Variants in GRIP1 observed in about 807,000 individuals in gnomAD.
The protein encoded by GRIP1 is glutamate receptor interacting protein 1.
Under a neutral mutation model 129.9 loss-of-function variants are expected in GRIP1, and 45 were observed. That is an observed-to-expected ratio of 0.35 (90% CI 0.27 to 0.44). The LOEUF (loss-of-function observed/expected upper bound fraction) is 0.44. GRIP1 is among the 20% of genes least tolerant of loss of function. The probability of loss-of-function intolerance (pLI) is 1.00; values close to 1 mark genes in which losing one functional copy is unlikely to be tolerated. For missense variants in GRIP1, 1,196 were observed against 1,396.8 expected (o/e 0.86, Z 2.29); for synonymous variants, 530 against 520.8 (o/e 1.02, Z -0.24).
intron 1 of GRIP1, among the ~76,000 whole-genome samples, chr12:66,966,638 G>T (rs899766989): frequency 1.2e-4 from 19 of 152,224 alleles, no homozygotes; most frequent in African/African-American, 4.6e-4. Flanking sequence ...TGGTTTTAAT[G>T]ACCTTAACAG....
chr12:66,560,755 T>A (rs2062497192), intron 2 of GRIP1, among the ~76,000 whole-genome samples: 1 of 152,176 alleles, frequency 6.6e-6, no homozygotes, highest in Non-Finnish European at 1.5e-5. Flanking sequence ...CAGAGCAGTT[T>A]GGCGGTTCCT....
intron 1 of GRIP1, among the ~76,000 whole-genome samples, chr12:66,979,803 T>C (rs1003894407): frequency 6.6e-6 from 1 of 152,124 alleles, no homozygotes; most frequent in Non-Finnish European, 1.5e-5. Flanking sequence ...AGGCAGAAAC[T>C]GCAGTGATTC....
intron 1 of GRIP1, among the ~76,000 whole-genome samples, chr12:66,909,459 G>T (rs893931495): frequency 4.6e-5 from 7 of 152,334 alleles, no homozygotes; most frequent in South Asian, 2.1e-4. Flanking sequence ...TGCAAAACTA[G>T]TTTCAATGTA....
At chr12:67,068,977 G>T in intron 1 of GRIP1, 1 of 700,038 alleles carries the variant, frequency 1.4e-6, no homozygotes, top group Non-Finnish European at 1.8e-6. Flanking sequence ...GGAGGGAGCC[G>T]GGGAGAGGGA....
At chr12:67,055,043 C>G (rs1235301685) in intron 1 of GRIP1, among the ~76,000 whole-genome samples, 1 of 152,114 alleles carries the variant, frequency 6.6e-6, no homozygotes, top group African/African-American at 2.4e-5. Flanking sequence ...GAATAGGGCA[C>G]AAAAACCTAA....
rs564822274 is a variant in GRIP1 at position 66,785,345 on chromosome 12, T to TACATACATACATAC, written c.-420+18707_-420+18708insGTATGTATGTATGT. Among the ~76,000 whole-genome samples, 5 of 107,562 alleles carry TACATACATACATAC rather than the reference T, an allele frequency of 4.6e-5. 1 individual carries two copies. Among genetic ancestry groups the TACATACATACATAC allele is most frequent in the African/African-American group, 1.5e-4 (5 of 32,534 alleles). The allele number at this position is 107,562 out of a possible 152,430, so 70.6% of individuals were successfully genotyped here. Reference sequence around the variant, plus strand: ...ATACATACATACATACATACATACATATATATATATATATATATTAGTTGG... The same window carrying TACATACATACATAC: ...ATACATACATACATACATACATACATACATACATACATACATATATATATATATATATTAGTTGG... On this transcript the variant is annotated intron_variant, in intron 1 of 4. Transcript: ENST00000538373.
chr12:66,914,756 G>A (rs778307381), intron 1 of GRIP1, among the ~76,000 whole-genome samples: 17 of 152,162 alleles, frequency 1.1e-4, no homozygotes, highest in Non-Finnish European at 2.5e-4. Context: ...GAAAATCAAA[G>A]AATCTGCATG....
Position 66,884,227 on chromosome 12 carries a change from G to A in GRIP1, c.58+184823C>T, listed in dbSNP as rs910481492. 3.2e-4 allele frequency among the ~76,000 whole-genome samples: 49 copies of A among 152,192 alleles called. 1 individual carries two copies. Among genetic ancestry groups the A allele is most frequent in the Admixed American group, 2.6e-3 (40 of 15,288 alleles). On this transcript the variant is annotated intron_variant, in intron 1 of 1. Coordinates refer to the GRIP1 transcript ENST00000643019. ...AATAATTTCAGTGAGACCGCTTAGCGCTTTTGCTAGCAACAGGGAACTGAG... is the reference window on the plus strand; with the variant it reads ...AATAATTTCAGTGAGACCGCTTAGCACTTTTGCTAGCAACAGGGAACTGAG...
At chr12:66,638,666 C>T (rs61926104) in intron 1 of GRIP1, among the ~76,000 whole-genome samples, 29,976 of 152,050 alleles carry the variant, frequency 0.2, 3,073 homozygotes, top group Non-Finnish European at 0.23. Flanking sequence ...AAATAAAATA[C>T]GAAATCAATT....
intron 1 of GRIP1, among the ~76,000 whole-genome samples, chr12:66,831,690 T>C (rs1399735840): frequency 6.6e-6 from 1 of 152,190 alleles, no homozygotes; most frequent in Non-Finnish European, 1.5e-5. Context: ...CACTGAGATG[T>C]ATAGTATGCT....
chr12:66,577,323 A>C (rs1039580426), intron 2 of GRIP1, among the ~76,000 whole-genome samples: 1 of 152,240 alleles, frequency 6.6e-6, no homozygotes, highest in Admixed American at 6.5e-5. Flanking sequence ...AGCAGGGGTT[A>C]CTTTGTAAGA....
chr12:66,998,714 T>A (rs1427751821), intron 1 of GRIP1, among the ~76,000 whole-genome samples: 2 of 152,132 alleles, frequency 1.3e-5, no homozygotes, highest in Non-Finnish European at 2.9e-5. Context: ...TATTCTGTCT[T>A]CTCTCCTTAC....
intron 1 of GRIP1, among the ~76,000 whole-genome samples, chr12:66,941,448 G>C (rs1443235482): frequency 1.3e-5 from 2 of 152,128 alleles, no homozygotes; most frequent in Non-Finnish European, 2.9e-5. Context: ...TGCCATTTCT[G>C]AAATGTCTTC....
intron 1 of GRIP1, among the ~76,000 whole-genome samples, chr12:66,842,155 T>C (rs2039730510): frequency 1.3e-5 from 2 of 152,128 alleles, no homozygotes; most frequent in African/African-American, 4.8e-5. Context: ...TTTAAATGAA[T>C]AAAATTACCC....
chr12:66,484,320 A>C (rs2059894764), intron 7 of GRIP1, among the ~76,000 whole-genome samples: 1 of 152,170 alleles, frequency 6.6e-6, no homozygotes. Flanking sequence ...ATTGTATTTC[A>C]TGAGGTGACC....
rs35373698 is a variant in GRIP1, at chr12:66,539,545, C to CTTTTTTTTTTTTTT, written c.273-336_273-323dup. On this transcript the variant is annotated intron_variant, in intron 3 of 24. Transcript: ENST00000359742. ...CACCATAAAACAAAATCAAGAGAAG[C>CTTTTTTTTTTTTTT]TTTTTTTTTTTTTTTTTTTTTTTTC... Among the ~76,000 whole-genome samples, 28 of 59,288 alleles carry CTTTTTTTTTTTTTT rather than the reference C, an allele frequency of 4.7e-4. 1 individual carries two copies. The highest frequency in any genetic ancestry group is 1.2e-3 in the East Asian group (2 of 1,690). The allele number at this position is 59,288 out of a possible 152,430, so 38.9% of individuals were successfully genotyped here. A position where few individuals can be genotyped will look rare whatever the true frequency, so the allele number is the denominator to read the frequency against.
At chr12:66,370,347 A>G (rs543202254) in intron 23 of GRIP1, among the ~76,000 whole-genome samples, 3 of 152,338 alleles carry the variant, frequency 2.0e-5, no homozygotes, top group African/African-American at 7.2e-5. Context: ...AATGCACAGT[A>G]TGGGTATTAA....
chr12:66,475,090 T>G (rs917670797), intron 7 of GRIP1, among the ~76,000 whole-genome samples: 2 of 152,046 alleles, frequency 1.3e-5, no homozygotes, highest in Admixed American at 1.3e-4. Flanking sequence ...ACCCATCTCA[T>G]GTGCAGAGAC....
intron 1 of GRIP1, among the ~76,000 whole-genome samples, chr12:66,987,787 C>G (rs2042334342): frequency 6.6e-6 from 1 of 152,190 alleles, no homozygotes; most frequent in Non-Finnish European, 1.5e-5. Flanking sequence ...TGAAAATTAG[C>G]AAGTTAGAAA....
Sources: gnomAD v4.1 joint callset for allele counts (sites outside exome capture counted in the v4.1 genomes callset) on GRCh38, gnomAD v4.1.1 for gene constraint, MANE v1.5 for transcripts, NCBI Gene and HGNC (gene_info 2026-07-23, HGNC 2026-07-21) for gene names.